Variants in MPV17L2 observed in about 807,000 individuals in gnomAD.
MPV17L2 encodes MPV17 mitochondrial inner membrane protein like 2.
A neutral mutation model predicts 24.2 loss-of-function variants in MPV17L2; 25 were observed. The observed-to-expected ratio is 1.03, with a 90% confidence interval of 0.75 to 1.44. The LOEUF (loss-of-function observed/expected upper bound fraction) is 1.44, where lower values mean the gene tolerates loss of function less well. MPV17L2 is among the 40% of genes most tolerant of loss of function. The probability of loss-of-function intolerance (pLI) is 0.00; values close to 1 mark genes in which losing one functional copy is unlikely to be tolerated. For missense variants in MPV17L2, 271 were observed against 276.2 expected, an observed-to-expected ratio of 0.98 and a Z score of 0.13; for synonymous variants, 130 against 121.4, an observed-to-expected ratio of 1.07 and a Z score of -0.46.
chr19:18,195,001 T>A lies in MPV17L2; in HGVS notation c.479T>A (p.Leu160His). The change falls in exon 4 of 5, where the codon CTC becomes CAC. Residue 160 changes from leucine (L) to histidine (H), a missense_variant. Coordinates refer to ENST00000599612, the MANE Select transcript of MPV17L2 (RefSeq NM_032683.3). ...CCTGCTGCGCAGTTCGTGAACTTCC[T>A]CTTCGTGCCCCCCCAATTTCGAGTC... ...VWPAAQFVNFLFVPPQFRVTY... is the reference protein window; with the variant it reads ...VWPAAQFVNFHFVPPQFRVTY... 1 of 1,612,964 alleles carries A rather than the reference T, an allele frequency of 6.2e-7. No homozygotes were observed. Among genetic ancestry groups the A allele is most frequent in the Non-Finnish European group, 8.5e-7 (1 of 1,179,694 alleles).
chr19:18,196,392 C>G lies in MPV17L2; in HGVS notation c.*337C>G. 1.5e-6 allele frequency: 2 copies of G among 1,324,372 alleles called. No homozygotes were observed. The highest frequency in any genetic ancestry group is 2.5e-5 in the South Asian group (2 of 81,296). 82.0% of individuals were successfully genotyped at this position (1,324,372 alleles called of 1,614,324 possible). ...CCTCAACACTGCCATCCACCTGGCT[C>G]TGGGCCAAGCCACCAATCCAGAGCT... On this transcript the variant is annotated 3_prime_UTR_variant, in exon 5 of 5. Transcript: ENST00000599612.
intron 2 of MPV17L2, 100 bp downstream of exon 2, chr19:18,194,134 C>T (rs1967470195): frequency 1.4e-6 from 2 of 1,391,730 alleles, no homozygotes; most frequent in Middle Eastern, 1.8e-4. Context: ...TCCAATTTGC[C>T]CCCTGTTTGG....
rs1373939839 is a variant in MPV17L2, at chr19:18,193,332, G to C, written c.51G>C (p.Gln17His). 1 of 1,561,820 alleles carries C rather than the reference G, an allele frequency of 6.4e-7. No individual in the cohort carries two copies. Among genetic ancestry groups the C allele is most frequent in the African/African-American group, 1.4e-5 (1 of 71,726 alleles). The change falls in exon 1 of 5, where the codon CAG becomes CAC. Residue 17 changes from glutamine to histidine, a missense_variant. Physicochemically the swap from Gln to His is conservative, Grantham distance 24. Transcript: ENST00000599612. ...TACGCCGCCTGTTATCCGCGGGGCA[G>C]CTTCTATTCCAGGGCCGCGCGCTGC... is the stretch of plus-strand genomic sequence containing the variant. ...RRLRRLLSAG[Q>H]LLFQGRALLV... is the part of the protein sequence containing the mutation.
At chr19:18,194,248 GC>G (rs1375638899) in intron 2 of MPV17L2, 3 of 581,044 alleles carry the variant, frequency 5.2e-6, no homozygotes, top group Non-Finnish European at 9.1e-6. Context: ...TGTTGGGGCT[GC>G]CCTGGGCGGG....
chr19:18,195,209 A>G, intron 4 of MPV17L2, 123 bp downstream of exon 4: 1 of 1,445,680 alleles, frequency 6.9e-7, no homozygotes, highest in East Asian at 2.3e-5. Flanking sequence ...CTGACAACCC[A>G]CACCCAACAG....
rs371355391 is a variant in MPV17L2, at chr19:18,194,514, C to G, written c.359-263C>G. ...TGGAAAAGTAACACAACTCCCTCAA[C>G]TTCAGGGTGTCTCCATTGGGGCACG... is the stretch of plus-strand genomic sequence containing the variant. On this transcript the variant is annotated intron_variant, in intron 2 of 4. Transcript: ENST00000599612. 1.4e-3 allele frequency among the ~76,000 whole-genome samples: 209 copies of G among 152,346 alleles called. 7 individuals are homozygous for G. In the South Asian group the frequency reaches 0.036, roughly 26 times the overall value.
At chr19:18,195,509 C>T (rs1967498103) in intron 4 of MPV17L2, among the ~76,000 whole-genome samples, 2 of 150,402 alleles carry the variant, frequency 1.3e-5, no homozygotes, top group African/African-American at 4.9e-5. Context: ...GCACTCCAGC[C>T]TAGGTGACAG....
At position 18,194,861 on chromosome 19, in the gene MPV17L2, C is replaced by T; in HGVS notation, c.435+8C>T. ...TTCTGGGAATTCTACAAGGTGGGAG[C>T]ACCCGCCCCTTGCACATGTCCGGCC... On this transcript the variant is annotated splice_region_variant and intron_variant, in intron 3 of 4. Transcript: ENST00000599612. 6.3e-7 allele frequency: 1 copy of T among 1,598,416 alleles called. No homozygotes were observed. The highest frequency in any genetic ancestry group is 1.1e-5 in the South Asian group (1 of 89,022).
In MPV17L2 at chr19:18,195,012, C is replaced by T; in HGVS notation, c.490C>T (p.Pro164Ser). ...GTTCGTGAACTTCCTCTTCGTGCCC[C>T]CCCAATTTCGAGTCACCTACATCAA... ...AQFVNFLFVP[P>S]QFRVTYINGL... The change falls in exon 4 of 5, where the codon CCC becomes TCC. Residue 164 changes from proline to serine, a missense_variant. Physicochemically the swap from Pro to Ser is moderately conservative, Grantham distance 74. Transcript: ENST00000599612. 4.3e-6 allele frequency: 7 copies of T among 1,614,156 alleles called. No individual in the cohort carries two copies. Among genetic ancestry groups the T allele is most frequent in the Non-Finnish European group, 5.1e-6 (6 of 1,179,996 alleles).
Position 18,193,399 on chromosome 19 carries a change from G to C in MPV17L2, c.118G>C (p.Gly40Arg). ...GGGCTGCGGCGCGCTCATGGCGGCC[G>C]GTGATGGCGTGCGCCAGTCCTGGGA... ...TLGCGALMAAGDGVRQSWEIR... is the reference protein window; with the variant it reads ...TLGCGALMAARDGVRQSWEIR... Residue 40 changes from glycine (G) to arginine (R), a missense_variant, in exon 1 of 5, where the codon GGT becomes CGT. Gly to Arg is a moderately radical substitution (Grantham distance 125). Coordinates refer to ENST00000599612, the MANE Select transcript of MPV17L2 (RefSeq NM_032683.3). 6.4e-7 allele frequency: 1 copy of C among 1,569,646 alleles called. No homozygotes were observed. The highest frequency in any genetic ancestry group is 8.6e-7 in the Non-Finnish European group (1 of 1,165,356).
chr19:18,193,504 G>A (rs981438828), intron 1 of MPV17L2, 36 bp downstream of exon 1: 6 of 1,445,952 alleles, frequency 4.1e-6, no homozygotes, highest in African/African-American at 1.5e-5. Flanking sequence ...TTCACCCCGG[G>A]CGACCTTTGA....
Position 18,193,319 on chromosome 19 carries a change from T to G in MPV17L2, c.38T>G (p.Leu13Ter). The G allele has an allele frequency of 6.4e-7, 1 of 1,555,294 alleles. No homozygotes were observed. Among genetic ancestry groups the G allele is most frequent in the Non-Finnish European group, 8.6e-7 (1 of 1,157,200 alleles). The change falls in exon 1 of 5, where the codon TTA (leucine) becomes TGA (stop). Residue 13 changes from leucine to a stop codon, truncating the protein, a stop_gained. Transcript: ENST00000599612. LOFTEE classifies it high-confidence loss of function. The part of the protein sequence containing the change: ...RGGWRRLRRL[L>*]SAGQLLFQGR... ...GGCTGGCGCCGGCTACGCCGCCTGT[T>G]ATCCGCGGGGCAGCTTCTATTCCAG...
At position 18,196,367 on chromosome 19, in the gene MPV17L2, C is replaced by G; in HGVS notation, c.*312C>G. ...TGCCAACCAGTCTCAAGCACCAGCC[C>G]CTCAACACTGCCATCCACCTGGCTC... On this transcript the variant is annotated 3_prime_UTR_variant, in exon 5 of 5. Transcript: ENST00000599612. The G allele has an allele frequency of 1.5e-6, 2 of 1,352,766 alleles. No individual in the cohort carries two copies. The highest frequency in any genetic ancestry group is 1.9e-6 in the Non-Finnish European group (2 of 1,029,618). The allele number at this position is 1,352,766 out of a possible 1,614,324, so 83.8% of individuals were successfully genotyped here. A position where few individuals can be genotyped will look rare whatever the true frequency, so the allele number is the denominator to read the frequency against.
rs1424217511 is a variant in MPV17L2 at position 18,194,814 on chromosome 19, C to T, written c.396C>T (p.Ser132=). ...GCLEGQTVGE[S]CQELREKFWE... ...TGGAGGGTCAGACAGTGGGTGAGAG[C>T]TGCCAGGAGCTGCGGGAGAAGTTCT... The change falls in exon 3 of 5, where the codon AGC becomes AGT. Residue 132 remains serine, a synonymous_variant. Coordinates refer to ENST00000599612, the MANE Select transcript of MPV17L2 (RefSeq NM_032683.3). 1 of 1,610,518 alleles carries T rather than the reference C, an allele frequency of 6.2e-7. No homozygotes were observed. The highest frequency in any genetic ancestry group is 8.5e-7 in the Non-Finnish European group (1 of 1,178,974).
At position 18,193,360 on chromosome 19, in the gene MPV17L2, G is replaced by C. The variant is rs777640821; in HGVS notation, c.79G>C (p.Val27Leu). The C allele has an allele frequency of 1.9e-6, 3 of 1,568,024 alleles. No individual in the cohort carries two copies. Among genetic ancestry groups the C allele is most frequent in the Non-Finnish European group, 2.6e-6 (3 of 1,162,636 alleles). ...QLLFQGRALL[V>L]TNTLGCGALM... is the part of the protein sequence containing the mutation. ...TCTATTCCAGGGCCGCGCGCTGCTC[G>C]TCACTAACACGCTGGGCTGCGGCGC... The change falls in exon 1 of 5, where the codon GTC becomes CTC. Residue 27 changes from valine to leucine, a missense_variant. Physicochemically the swap from Val to Leu is conservative, Grantham distance 32 (BLOSUM62 1). Transcript: ENST00000599612.
At position 18,194,905 on chromosome 19, in the gene MPV17L2, T is replaced by C. The variant is rs1967483959; in HGVS notation, c.435+52T>C. On this transcript the variant is annotated intron_variant, in intron 3 of 4. Coordinates refer to ENST00000599612, the MANE Select transcript of MPV17L2 (RefSeq NM_032683.3). ...TCCGGCCCCGCCCCCTGATGGCCGC[T>C]CCGCCCCCGCCCAGCTCTGGCCCCG... The C allele has an allele frequency of 3.2e-6, 5 of 1,560,090 alleles. No homozygotes were observed. In the African/African-American group the frequency reaches 5.5e-5, roughly 17 times the overall value.
chr19:18,196,201 C>A lies in MPV17L2; in HGVS notation c.*146C>A. The A allele has an allele frequency of 6.5e-7, 1 of 1,540,542 alleles. No individual in the cohort carries two copies. The highest frequency in any genetic ancestry group is 1.2e-5 in the South Asian group (1 of 84,560). On this transcript the variant is annotated 3_prime_UTR_variant, in exon 5 of 5. Coordinates refer to ENST00000599612, the MANE Select transcript of MPV17L2 (RefSeq NM_032683.3). ...CTCCGGAGCATTGGGCTGAGCCGCC[C>A]TTTCCAAGCTCACTTCTGGGACTGA...
In MPV17L2 at chr19:18,193,377, C is replaced by T; in HGVS notation, c.96C>T (p.Gly32=). The T allele has an allele frequency of 6.4e-7, 1 of 1,568,218 alleles. No homozygotes were observed. The highest frequency in any genetic ancestry group is 8.6e-7 in the Non-Finnish European group (1 of 1,163,310). The change falls in exon 1 of 5, where the codon GGC becomes GGT. Residue 32 remains glycine, a synonymous_variant. Coordinates refer to ENST00000599612, the MANE Select transcript of MPV17L2 (RefSeq NM_032683.3). ...GRALLVTNTL[G]CGALMAAGDG... Reference sequence around the variant, plus strand: ...CGCTGCTCGTCACTAACACGCTGGGCTGCGGCGCGCTCATGGCGGCCGGTG... The same window carrying T: ...CGCTGCTCGTCACTAACACGCTGGGTTGCGGCGCGCTCATGGCGGCCGGTG...
In MPV17L2 at chr19:18,195,994, G is replaced by A; in HGVS notation, c.565-5G>A. ...CTGACCAGATGCCTTGTCTTGTGTG[G>A]ACAGAGCCCAGTTCCTCTGACACCC... On this transcript the variant is annotated splice_polypyrimidine_tract_variant and splice_region_variant and intron_variant, in intron 4 of 4. Coordinates refer to ENST00000599612, the MANE Select transcript of MPV17L2 (RefSeq NM_032683.3). 3.1e-6 allele frequency: 5 copies of A among 1,604,260 alleles called. No homozygotes were observed. Among genetic ancestry groups the A allele is most frequent in the Non-Finnish European group, 4.3e-6 (5 of 1,173,932 alleles).
Sources: gnomAD v4.1 joint callset for allele counts (sites outside exome capture counted in the v4.1 genomes callset) on GRCh38, gnomAD v4.1.1 for gene constraint, MANE v1.5 for transcripts, NCBI Gene and HGNC (gene_info 2026-07-23, HGNC 2026-07-21) for gene names.